Variants in RHCG observed in about 807,000 individuals in gnomAD.
RHCG encodes the protein ammonium transporter Rh type C.
RHCG carries 39 observed loss-of-function variants against 55.3 expected under a neutral mutation model. The observed-to-expected ratio is 0.70, with a 90% confidence interval of 0.55 to 0.92. The LOEUF (loss-of-function observed/expected upper bound fraction) is 0.92, where lower values mean the gene tolerates loss of function less well. Ranked by LOEUF, RHCG falls within the 40% of genes least tolerant of loss-of-function variation. The pLI, the probability that RHCG is intolerant of heterozygous loss-of-function variation, is 0.00. For synonymous variants in RHCG, 250 were observed against 246.8 expected (o/e 1.01, Z -0.12); for missense variants, 635 against 627.9 (o/e 1.01, Z -0.12).
rs778406747 is a variant in RHCG at position 89,479,497 on chromosome 15, A to G, written c.671-9T>C. The G allele has an allele frequency of 8.1e-6, 13 of 1,607,620 alleles. No homozygotes were observed. The South Asian group carries it at 1.3e-4, about 17-fold the overall frequency. Reference sequence around the variant, plus strand: ...CCACAGGAAGAGGGTGCCTGGTCAGACCAGACAGGCCCAATGGGCCCGGGA... The same window carrying G: ...CCACAGGAAGAGGGTGCCTGGTCAGGCCAGACAGGCCCAATGGGCCCGGGA... On this transcript the variant is annotated splice_polypyrimidine_tract_variant and intron_variant, in intron 4 of 10. Coordinates refer to ENST00000268122, the MANE Select transcript of RHCG (RefSeq NM_016321.3).
chr15:89,491,710 T>C (rs1961478855), intron 1 of RHCG, among the ~76,000 whole-genome samples: 1 of 152,008 alleles, frequency 6.6e-6, no homozygotes, highest in South Asian at 2.1e-4. Flanking sequence ...GAGGTTGCAG[T>C]GAGCTGAGAT....
At chr15:89,491,515 C>T (rs2098176239) in intron 1 of RHCG, among the ~76,000 whole-genome samples, 1 of 152,106 alleles carries the variant, frequency 6.6e-6, no homozygotes, top group Admixed American at 6.5e-5. Flanking sequence ...GACTGTAATC[C>T]CAGCACTTTG....
At chr15:89,489,410 C>G (rs1961433400) in intron 1 of RHCG, among the ~76,000 whole-genome samples, 1 of 152,156 alleles carries the variant, frequency 6.6e-6, no homozygotes, top group Non-Finnish European at 1.5e-5. Flanking sequence ...AGATGTGAAC[C>G]ACTGCACCTG....
chr15:89,491,357 C>G (rs1044881211), intron 1 of RHCG, among the ~76,000 whole-genome samples: 1 of 152,246 alleles, frequency 6.6e-6, no homozygotes, highest in Non-Finnish European at 1.5e-5. Context: ...TCTCCTTGGG[C>G]ACCTCCCCAA....
intron 3 of RHCG, 86 bp from the exon 4 acceptor site, chr15:89,480,494 C>CA: frequency 6.7e-7 from 1 of 1,487,482 alleles, no homozygotes; most frequent in South Asian, 1.3e-5. Flanking sequence ...CACACACACG[C>CA]CCAGAGCTCC....
At chr15:89,494,444 A>G (rs1961529889) in intron 1 of RHCG, among the ~76,000 whole-genome samples, 1 of 152,100 alleles carries the variant, frequency 6.6e-6, no homozygotes, top group Non-Finnish European at 1.5e-5. Context: ...TCCTCTGATG[A>G]TGATAAATTG....
At chr15:89,492,298 G>A (rs1000480753) in intron 1 of RHCG, among the ~76,000 whole-genome samples, 5 of 152,184 alleles carry the variant, frequency 3.3e-5, no homozygotes, top group Non-Finnish European at 1.5e-5. Flanking sequence ...CCCCCACCAG[G>A]CTGGCTGAGT....
intron 2 of RHCG, among the ~76,000 whole-genome samples, chr15:89,485,692 A>AT (rs200799966): frequency 0.016 from 2,455 of 151,696 alleles, 65 homozygotes; most frequent in African/African-American, 0.055. Flanking sequence ...GGAGGAAAAC[A>AT]TTTTTTTTTC....
Position 89,476,796 on chromosome 15 carries a change from G to A in RHCG, c.1270C>T (p.Pro424Ser). 6.2e-7 allele frequency: 1 copy of A among 1,614,126 alleles called. No homozygotes were observed. Among genetic ancestry groups the A allele is most frequent in the Admixed American group, 1.7e-5 (1 of 60,026 alleles). The change falls in exon 9 of 11, where the codon CCT (proline) becomes TCT (serine). Residue 424 changes from proline (P) to serine (S), a missense_variant. Physicochemically the swap from Pro to Ser is moderately conservative, Grantham distance 74. Transcript: ENST00000268122. ...LILRLPFWGQ[P>S]SDENCFEDAV... ...TCCTCAAAGCAGTTCTCATCTGAAG[G>A]TTGTCCCCAGAATGGTAATCTCAAA...
intron 9 of RHCG, among the ~76,000 whole-genome samples, chr15:89,475,409 A>AT (rs1187819602): frequency 4.0e-5 from 6 of 151,760 alleles, no homozygotes; most frequent in Non-Finnish European, 7.4e-5. Flanking sequence ...AGCCCGGCTA[A>AT]TTTTTTTTGT....
Position 89,477,898 on chromosome 15 carries a change from C to G in RHCG, c.914G>C (p.Gly305Ala). Residue 305 changes from glycine to alanine, a missense_variant, in exon 6 of 11, where the codon GGT (glycine) becomes GCT (alanine). Coordinates refer to ENST00000268122, the MANE Select transcript of RHCG (RefSeq NM_016321.3). The surrounding 1 kb of genome is among the most constrained non-coding windows in gnomAD (Gnocchi z 4.5). ...GCAGACGAAGCCGATGATGAGGGCA[C>G]CGTAAGGCATGAGCATCATCTCAGC... is the stretch of plus-strand genomic sequence containing the variant. ...TAAEMMLMPY[G>A]ALIIGFVCGI... 1 of 1,614,058 alleles carries G rather than the reference C, an allele frequency of 6.2e-7. No individual in the cohort carries two copies. The highest frequency in any genetic ancestry group is 8.5e-7 in the Non-Finnish European group (1 of 1,180,014).
chr15:89,477,266 G>T lies in RHCG; in HGVS notation c.1113-60C>A, dbSNP rs1961169098. 2 of 1,600,438 alleles carry T rather than the reference G, an allele frequency of 1.2e-6. No homozygotes were observed. The highest frequency in any genetic ancestry group is 1.3e-5 in the African/African-American group (1 of 74,374). On this transcript the variant is annotated intron_variant, in intron 7 of 10. Transcript: ENST00000268122. The surrounding 1 kb of genome is among the most constrained non-coding windows in gnomAD (Gnocchi z 4.5). ...TGGAGAGGCCAAGTAACAGCTTGCTGCCACCCCAAAAATGTGACCGGGTAC... is the reference window on the plus strand; with the variant it reads ...TGGAGAGGCCAAGTAACAGCTTGCTTCCACCCCAAAAATGTGACCGGGTAC...
intron 1 of RHCG, among the ~76,000 whole-genome samples, chr15:89,494,663 G>C (rs1961534369): frequency 6.7e-6 from 1 of 150,322 alleles, no homozygotes; most frequent in Non-Finnish European, 1.5e-5. Context: ...AAGGGAGAGA[G>C]ATAGAGATTC....
rs1209295074 is a variant in RHCG, at chr15:89,496,333, C to T, written c.184+28G>A. 5 of 1,612,054 alleles carry T rather than the reference C, an allele frequency of 3.1e-6. No homozygotes were observed. In the African/African-American group the frequency reaches 5.3e-5, roughly 17 times the overall value. The stretch of plus-strand genomic sequence containing the variant: ...GTGGGGACCGGCGCGGATATGCCTC[C>T]GCTGGGCCTGCAGGCGGCGAGACTT... On this transcript the variant is annotated intron_variant, in intron 1 of 10. Coordinates refer to ENST00000268122, the MANE Select transcript of RHCG (RefSeq NM_016321.3).
chr15:89,478,290 T>G (rs1961195261), intron 5 of RHCG, among the ~76,000 whole-genome samples: 1 of 152,216 alleles, frequency 6.6e-6, no homozygotes, highest in South Asian at 2.1e-4. Flanking sequence ...CATGTATACC[T>G]GTGTGCCCAG....
chr15:89,494,052 T>G (rs771366007), intron 1 of RHCG, among the ~76,000 whole-genome samples: 23 of 151,146 alleles, frequency 1.5e-4, no homozygotes, highest in Non-Finnish European at 5.9e-5. Flanking sequence ...AAGGCCCTCC[T>G]TGATGCTGGG....
chr15:89,481,950 C>A (rs765647785), intron 3 of RHCG, among the ~76,000 whole-genome samples: 1 of 152,010 alleles, frequency 6.6e-6, no homozygotes, highest in African/African-American at 2.4e-5. Flanking sequence ...TACAGGCATG[C>A]GCCACTACAC....
chr15:89,476,995 C>A, intron 8 of RHCG, 87 bp downstream of exon 8: 1 of 1,585,754 alleles, frequency 6.3e-7, no homozygotes, highest in Non-Finnish European at 8.6e-7. Flanking sequence ...GGGGCTCAGG[C>A]TGACCTGTGC....
intron 5 of RHCG, among the ~76,000 whole-genome samples, chr15:89,478,449 T>C (rs766892955): frequency 2.6e-5 from 4 of 152,146 alleles, no homozygotes; most frequent in African/African-American, 4.8e-5. Flanking sequence ...GCGCTTTCCA[T>C]CTCTACAACA....
Sources: gnomAD v4.1 joint callset for allele counts (sites outside exome capture counted in the v4.1 genomes callset) on GRCh38, gnomAD v4.1.1 for gene constraint, Gnocchi (gnomAD v3.1) non-coding constraint, MANE v1.5 for transcripts, NCBI Gene and HGNC (gene_info 2026-07-23, HGNC 2026-07-21) for gene names.